The following PHLDB1 variants were observed in gnomAD, a reference collection of about 807,000 sequenced individuals.
PHLDB1 encodes the protein pleckstrin homology like domain family B member 1.
A neutral mutation model predicts 139.3 loss-of-function variants in PHLDB1; 65 were observed. The ratio of observed to expected loss-of-function variants is 0.47; its 90% CI spans 0.38 to 0.57. The LOEUF (loss-of-function observed/expected upper bound fraction) is 0.57, where lower values mean the gene tolerates loss of function less well. Ranked by LOEUF, PHLDB1 falls within the 20% of genes least tolerant of loss-of-function variation. The pLI, the probability that PHLDB1 is intolerant of heterozygous loss-of-function variation, is 0.00. For missense variants in PHLDB1, 1,624 were observed against 1,839.7 expected (o/e 0.88, Z 2.14); for synonymous variants, 679 against 734.5 (o/e 0.92, Z 1.22).
upstream of PHLDB1, among the ~76,000 whole-genome samples, chr11:118,606,922 C>G (rs967522504): frequency 2.2e-4 from 34 of 152,154 alleles, no homozygotes; most frequent in Admixed American, 2.0e-3. Context: ...GATGATAATT[C>G]CATTCGGTTT....
chr11:118,650,547 G>A lies in PHLDB1; in HGVS notation c.3874G>A (p.Asp1292Asn). 1 of 1,608,420 alleles carries A rather than the reference G, an allele frequency of 6.2e-7. No homozygotes were observed. Among genetic ancestry groups the A allele is most frequent in the Non-Finnish European group, 8.5e-7 (1 of 1,174,884 alleles). ...CAAGCGCACCCTTTCCTATTATGTG[G>A]GTGAGTTCCCACAAGGCCACCCTGG... ...RLKRTLSYYVDKHETKLKGVI... is the reference protein window; with the variant it reads ...RLKRTLSYYVNKHETKLKGVI... Residue 1292 changes from aspartate (D) to asparagine (N), a missense_variant and splice_region_variant, in exon 20 of 23, where the codon GAC becomes AAC. Transcript: ENST00000600882. The surrounding 1 kb of genome is among the most constrained non-coding windows in gnomAD (Gnocchi z 4.7).
chr11:118,627,619 A>G lies in PHLDB1; in HGVS notation c.796A>G (p.Ser266Gly). The G allele has an allele frequency of 1.2e-6, 2 of 1,613,174 alleles. No individual in the cohort carries two copies. Reference sequence around the variant, plus strand: ...ACTCTCTTCACCAGCCAGCAGTGGAAGCTGTGCCAGTCACTCACCCAGTGG... The same window carrying G: ...ACTCTCTTCACCAGCCAGCAGTGGAGGCTGTGCCAGTCACTCACCCAGTGG... ...SPLSSPASSG[S>G]CASHSPSGQE... Residue 266 changes from serine to glycine, a missense_variant, in exon 6 of 23, where the codon AGC (serine) becomes GGC (glycine). Ser to Gly is a moderately conservative substitution (Grantham distance 56). Coordinates refer to ENST00000600882, the MANE Select transcript of PHLDB1 (RefSeq NM_001144758.3).
chr11:118,638,817 G>A, intron 10 of PHLDB1, 74 bp from the exon 11 acceptor site: 3 of 1,128,200 alleles, frequency 2.7e-6, no homozygotes, highest in Non-Finnish European at 3.8e-6. Flanking sequence ...GTCTGGGCAG[G>A]AGAGCCAGCT....
rs1944971232 is a variant in PHLDB1, at chr11:118,632,538, T to C, written c.2379+242T>C. ...TCTGTCTGGGTCTGTGTGCTACCTC[T>C]GGGTGCCTGCCATCCTAGGCCCTTT... On this transcript the variant is annotated intron_variant, in intron 9 of 22. Coordinates refer to ENST00000600882, the MANE Select transcript of PHLDB1 (RefSeq NM_001144758.3). This position sits in a 1 kb window ranked among gnomAD's most constrained non-coding sequence, Gnocchi z 5.9. 1.8e-6 allele frequency: 1 copy of C among 559,140 alleles called. No homozygotes were observed. Among genetic ancestry groups the C allele is most frequent in the Non-Finnish European group, 3.2e-6 (1 of 314,914 alleles). The allele number at this position is 559,140 out of a possible 1,614,324, so 34.6% of individuals were successfully genotyped here.
intron 4 of PHLDB1, among the ~76,000 whole-genome samples, chr11:118,621,023 A>C (rs1247392093): frequency 6.6e-6 from 1 of 152,142 alleles, no homozygotes; most frequent in Non-Finnish European, 1.5e-5. Flanking sequence ...AAGGTACTAC[A>C]GCCAGTCAGG....
chr11:118,645,905 C>T lies in PHLDB1; in HGVS notation c.3507+80C>T, dbSNP rs1007830626. ...CTGCATGTCAAGGGCCTGTGCTCCA[C>T]CCCAAGCCCTTCCACCCACATTAGC... On this transcript the variant is annotated intron_variant, in intron 17 of 22. Transcript: ENST00000600882. The surrounding 1 kb of genome is among the most constrained non-coding windows in gnomAD (Gnocchi z 5.1). The T allele has an allele frequency of 1.1e-6, 1 of 895,386 alleles. No homozygotes were observed. Among genetic ancestry groups the T allele is most frequent in the Non-Finnish European group, 1.9e-6 (1 of 529,048 alleles). 55.5% of individuals were successfully genotyped at this position (895,386 alleles called of 1,614,324 possible). A position where few individuals can be genotyped will look rare whatever the true frequency, so the allele number is the denominator to read the frequency against.
intron 17 of PHLDB1, chr11:118,647,259 G>A (rs782404168): frequency 2.6e-5 from 4 of 152,218 alleles, no homozygotes; most frequent in Admixed American, 6.5e-5. Context: ...CCCATGTTGC[G>A]AGGATTCAGA....
In PHLDB1 at chr11:118,628,266, G is replaced by C; in HGVS notation, c.1443G>C (p.Lys481Asn). Residue 481 changes from lysine to asparagine, a missense_variant, in exon 6 of 23, where the codon AAG (lysine) becomes AAC (asparagine). Physicochemically the swap from Lys to Asn is moderately conservative, Grantham distance 94 (BLOSUM62 0). Coordinates refer to ENST00000600882, the MANE Select transcript of PHLDB1 (RefSeq NM_001144758.3). ...CCACCCGGACCACCCCAGATCCCAA[G>C]CTAAACAGGGAAGTGGCAGAGAGTC... is the stretch of plus-strand genomic sequence containing the variant. ...PLPTRTTPDP[K>N]LNREVAESPR... is the part of the protein sequence containing the mutation. 4.3e-6 allele frequency: 7 copies of C among 1,614,094 alleles called. No individual in the cohort carries two copies. The highest frequency in any genetic ancestry group is 5.9e-6 in the Non-Finnish European group (7 of 1,180,006).
At chr11:118,625,976 C>T (rs1257595542) in intron 5 of PHLDB1, among the ~76,000 whole-genome samples, 1 of 152,210 alleles carries the variant, frequency 6.6e-6, no homozygotes, top group Non-Finnish European at 1.5e-5. Context: ...ACCCTGCCCC[C>T]ACCCCAGCCT....
Position 118,631,378 on chromosome 11 carries a change from G to A in PHLDB1, c.1999G>A (p.Glu667Lys). 6.6e-7 allele frequency: 1 copy of A among 1,515,406 alleles called. No individual in the cohort carries two copies. The allele number at this position is 1,515,406 out of a possible 1,614,324, so 93.9% of individuals were successfully genotyped here. Residue 667 changes from glutamate to lysine, a missense_variant, in exon 7 of 23, where the codon GAG becomes AAG. Transcript: ENST00000600882. ...LAGASGRSSEEPGVATQRLWE... is the reference protein window; with the variant it reads ...LAGASGRSSEKPGVATQRLWE... The stretch of plus-strand genomic sequence containing the variant: ...AGGGGCCTCTGGGCGGAGCAGCGAG[G>A]AGCCTGGCGTTGCCACCCAACGCCT...
At chr11:118,654,048 C>G (rs990592826) in intron 20 of PHLDB1, 2 of 152,172 alleles carry the variant, frequency 1.3e-5, no homozygotes, top group Non-Finnish European at 2.9e-5. Context: ...GGCAGCAGTC[C>G]GTAAGTTGCC....
At chr11:118,648,769 G>T (rs979454080) in intron 18 of PHLDB1, among the ~76,000 whole-genome samples, 1 of 152,170 alleles carries the variant, frequency 6.6e-6, no homozygotes, top group Non-Finnish European at 1.5e-5. Context: ...GGTTTGGGCT[G>T]GGAAATCTGC....
In PHLDB1 at chr11:118,650,393, A is replaced by T; in HGVS notation, c.3772-52A>T. The T allele has an allele frequency of 7.9e-7, 1 of 1,272,756 alleles. No individual in the cohort carries two copies. Among genetic ancestry groups the T allele is most frequent in the Non-Finnish European group, 1.2e-6 (1 of 868,498 alleles). 78.8% of individuals were successfully genotyped at this position (1,272,756 alleles called of 1,614,324 possible). A position where few individuals can be genotyped will look rare whatever the true frequency, so the allele number is the denominator to read the frequency against. ...CAGGCACAGGCGATGGCACACACTT[A>T]AGGCTTAAGGGCTGCATATTTGGGT... On this transcript the variant is annotated intron_variant, in intron 19 of 22. Transcript: ENST00000600882. The surrounding 1 kb of genome is among the most constrained non-coding windows in gnomAD (Gnocchi z 4.7).
intron 4 of PHLDB1, 136 bp from the exon 5 acceptor site, chr11:118,624,798 C>A: frequency 2.6e-6 from 2 of 779,758 alleles, no homozygotes; most frequent in East Asian, 2.6e-5. Context: ...TTAGTAGAGA[C>A]GGGACTTCAC....
chr11:118,654,034 T>C (rs1948689943), intron 20 of PHLDB1: 1 of 152,184 alleles, frequency 6.6e-6, no homozygotes, highest in Non-Finnish European at 1.5e-5. Context: ...TGGAGGGACA[T>C]GTTGGCAGCA....
chr11:118,627,537 C>T lies in PHLDB1; in HGVS notation c.714C>T (p.Ser238=). 1 of 1,614,214 alleles carries T rather than the reference C, an allele frequency of 6.2e-7. No homozygotes were observed. Among genetic ancestry groups the T allele is most frequent in the Non-Finnish European group, 8.5e-7 (1 of 1,180,042 alleles). ...GGRYLLSPPT[S]PGAMSVGSSY... ...GCTACCTGCTGTCTCCCCCAACCAG[C>T]CCCGGCGCCATGTCTGTGGGCTCCA... is the stretch of plus-strand genomic sequence containing the variant. Residue 238 remains serine, a synonymous_variant, in exon 6 of 23, where the codon AGC becomes AGT. Transcript: ENST00000600882.
chr11:118,619,923 A>C (rs550272628), intron 4 of PHLDB1, among the ~76,000 whole-genome samples: 1 of 152,298 alleles, frequency 6.6e-6, no homozygotes, highest in East Asian at 1.9e-4. Flanking sequence ...TGAGTGTGTA[A>C]CTAAAAGGAG....
At chr11:118,616,982 T>C (rs377589821) in intron 4 of PHLDB1, among the ~76,000 whole-genome samples, 2 of 152,140 alleles carry the variant, frequency 1.3e-5, no homozygotes, top group South Asian at 2.1e-4. Flanking sequence ...GAGGCAGAGG[T>C]TGTAGTGAGC....
intron 2 of PHLDB1, 139 bp downstream of exon 2, chr11:118,614,035 A>C (rs955476092): frequency 1.6e-5 from 10 of 629,152 alleles, no homozygotes; most frequent in Non-Finnish European, 2.6e-5. Flanking sequence ...CAAGCCTATT[A>C]ACAGCTCAGT....
Sources: gnomAD v4.1 joint callset for allele counts (sites outside exome capture counted in the v4.1 genomes callset) on GRCh38, gnomAD v4.1.1 for gene constraint, Gnocchi (gnomAD v3.1) non-coding constraint, MANE v1.5 for transcripts, NCBI Gene and HGNC (gene_info 2026-07-23, HGNC 2026-07-21) for gene names.